Variants in MOSMO observed in about 807,000 individuals in gnomAD.
MOSMO encodes modulator of smoothened.
A neutral mutation model predicts 18.4 loss-of-function variants in MOSMO; 5 were observed. The ratio of observed to expected loss-of-function variants is 0.27; its 90% CI spans 0.14 to 0.57. MOSMO has a LOEUF of 0.57. MOSMO is among the 20% of genes least tolerant of loss of function. The pLI is 0.92. For synonymous variants in MOSMO, 82 were observed against 82.3 expected, an observed-to-expected ratio of 1.00 and a Z score of 0.02; for missense variants, 138 against 211.8, an observed-to-expected ratio of 0.65 and a Z score of 2.16.
chr16:22,074,749 C>T (rs1043234181), intron 1 of MOSMO, among the ~76,000 whole-genome samples: 2 of 152,162 alleles, frequency 1.3e-5, no homozygotes, highest in African/African-American at 4.8e-5. Context: ...GGGAGAGACA[C>T]TTTAAGAATT....
chr16:22,075,166 T>C, intron 1 of MOSMO: 1 of 389,722 alleles, frequency 2.6e-6, no homozygotes, highest in Non-Finnish European at 5.1e-6. Context: ...AACCTCATCC[T>C]GTCTGCTGTT....
intron 1 of MOSMO, among the ~76,000 whole-genome samples, chr16:22,035,777 C>A (rs773723386): frequency 3.3e-5 from 5 of 152,142 alleles, no homozygotes; most frequent in Non-Finnish European, 5.9e-5. Context: ...CTTGTAACCT[C>A]CTTACATGCC....
chr16:22,071,323 C>G (rs1282569574), intron 1 of MOSMO, among the ~76,000 whole-genome samples: 1 of 152,168 alleles, frequency 6.6e-6, no homozygotes, highest in East Asian at 1.9e-4. Flanking sequence ...TATTTTTGCT[C>G]AAATCCAACC....
At chr16:22,079,246 T>A (rs1212590041) in intron 2 of MOSMO, among the ~76,000 whole-genome samples, 1 of 152,102 alleles carries the variant, frequency 6.6e-6, no homozygotes, top group African/African-American at 2.4e-5. Context: ...TGGGGGATAG[T>A]TTTCACCTGG....
At chr16:22,035,227 C>G (rs1163078618) in intron 1 of MOSMO, among the ~76,000 whole-genome samples, 1 of 152,004 alleles carries the variant, frequency 6.6e-6, no homozygotes, top group East Asian at 1.9e-4. Context: ...CTTCTTGGTG[C>G]CTTGCCCCAC....
intron 1 of MOSMO, among the ~76,000 whole-genome samples, chr16:22,033,288 C>T (rs988325415): frequency 5.3e-5 from 8 of 152,108 alleles, no homozygotes; most frequent in South Asian, 2.1e-4. Context: ...TTGGAAGTAT[C>T]GTCTAAGTCT....
chr16:22,088,217 G>T (rs1255176962), downstream of MOSMO, among the ~76,000 whole-genome samples: 1 of 152,066 alleles, frequency 6.6e-6, no homozygotes, highest in Non-Finnish European at 1.5e-5. Flanking sequence ...TTTTTATAGA[G>T]ATGGGGGTCT....
downstream of MOSMO, chr16:22,087,634 T>C (rs1054748294): frequency 3.3e-5 from 5 of 152,214 alleles, no homozygotes; most frequent in East Asian, 1.9e-4. Context: ...AAAACTGACA[T>C]ATCTAAGAAG....
At chr16:22,040,077 AG>A (rs2142002229) in intron 1 of MOSMO, among the ~76,000 whole-genome samples, 1 of 152,376 alleles carries the variant, frequency 6.6e-6, no homozygotes, top group East Asian at 1.9e-4. Flanking sequence ...AAACTAGTTA[AG>A]AAATTATTGG....
chr16:22,075,143 C>T (rs1409044105), intron 1 of MOSMO, among the ~76,000 whole-genome samples: 1 of 152,130 alleles, frequency 6.6e-6, no homozygotes, highest in Non-Finnish European at 1.5e-5. Context: ...CATGCAGGCT[C>T]AGTGAGGGCA....
chr16:22,021,072 G>T (rs529874751), intron 1 of MOSMO, among the ~76,000 whole-genome samples: 8 of 152,256 alleles, frequency 5.3e-5, no homozygotes, highest in Admixed American at 5.2e-4. Context: ...GGGTGGGTAG[G>T]GGATGGTGAG....
chr16:22,054,637 C>A (rs992667775), intron 1 of MOSMO, among the ~76,000 whole-genome samples: 3 of 152,118 alleles, frequency 2.0e-5, no homozygotes, highest in African/African-American at 7.2e-5. Flanking sequence ...TTCATAAGTT[C>A]TCTTCAATTC....
At chr16:22,023,534 C>T (rs781231496) in intron 1 of MOSMO, among the ~76,000 whole-genome samples, 33 of 151,976 alleles carry the variant, frequency 2.2e-4, no homozygotes, top group Non-Finnish European at 4.1e-4. Context: ...AGTTGCTGGG[C>T]ACTGCTTTTT....
intron 1 of MOSMO, among the ~76,000 whole-genome samples, chr16:22,061,164 T>G (rs1221877175): frequency 6.6e-6 from 1 of 151,958 alleles, no homozygotes; most frequent in African/African-American, 2.4e-5. Flanking sequence ...TGCAAAGGAG[T>G]CTGGGAACTT....
intron 1 of MOSMO, among the ~76,000 whole-genome samples, chr16:22,026,884 G>A (rs1899887619): frequency 6.6e-6 from 1 of 152,130 alleles, no homozygotes; most frequent in Non-Finnish European, 1.5e-5. Flanking sequence ...CAGGAATTTA[G>A]CTCTTGCTTA....
chr16:22,077,271 T>C (rs926764325), intron 2 of MOSMO, among the ~76,000 whole-genome samples: 2 of 152,346 alleles, frequency 1.3e-5, no homozygotes, highest in Middle Eastern at 3.4e-3. Flanking sequence ...TAGATTCTTA[T>C]GACCCAATAA....
intron 1 of MOSMO, among the ~76,000 whole-genome samples, chr16:22,015,022 A>G (rs1899609438): frequency 6.6e-6 from 1 of 152,162 alleles, no homozygotes; most frequent in African/African-American, 2.4e-5. Context: ...AGTGGCTTTT[A>G]GTATCTTCAT....
chr16:22,025,132 A>G (rs922324297), intron 1 of MOSMO, among the ~76,000 whole-genome samples: 4 of 151,846 alleles, frequency 2.6e-5, no homozygotes, highest in African/African-American at 9.7e-5. Flanking sequence ...CAGCCTGGGC[A>G]ATGGAACAAG....
Position 22,080,862 on chromosome 16 carries a change from AGTTT to A in MOSMO, c.491_494del (p.Cys164TyrfsTer98). 7.1e-7 allele frequency: 1 copy of A among 1,408,110 alleles called. No individual in the cohort carries two copies. The highest frequency in any genetic ancestry group is 1.6e-5 in the South Asian group (1 of 62,774). 87.2% of individuals were successfully genotyped at this position (1,408,110 alleles called of 1,614,324 possible). ...TAGTAGGACTTCTATTTGCTGGCAA[AGTTT>A]GTTTACCAGGCTGATGAATGTCTAA... On this transcript the variant is annotated frameshift_variant, in exon 3 of 3. Coordinates refer to ENST00000542527, the MANE Select transcript of MOSMO (RefSeq NM_001164579.2). LOFTEE classifies it high-confidence loss of function.
Sources: gnomAD v4.1 joint callset for allele counts (sites outside exome capture counted in the v4.1 genomes callset) on GRCh38, gnomAD v4.1.1 for gene constraint, MANE v1.5 for transcripts, NCBI Gene and HGNC (gene_info 2026-07-23, HGNC 2026-07-21) for gene names.